The following TEX2 variants were observed in gnomAD, a reference collection of about 807,000 sequenced individuals.
TEX2 encodes the protein testis-expressed protein 2.
A neutral mutation model predicts 106.9 loss-of-function variants in TEX2; 53 were observed. That is an observed-to-expected ratio of 0.50 (90% confidence interval 0.40 to 0.62). TEX2 has a LOEUF of 0.62. Among genes scored for constraint, TEX2 ranks in the 20% least tolerant of loss-of-function variants. TEX2 has a pLI of 0.00. For synonymous variants in TEX2, 523 were observed against 534.8 expected (o/e 0.98, Z 0.30); for missense variants, 1,207 against 1,379.0 (o/e 0.88, Z 1.98).
rs559838321 is a variant in TEX2 at position 64,233,939 on chromosome 17, C to T, written c.-25-19697G>A. Among the ~76,000 whole-genome samples the T allele has an allele frequency of 9.8e-5, 15 of 152,318 alleles. No homozygotes were observed. In the South Asian group the frequency reaches 1.0e-3, roughly 11 times the overall value. On this transcript the variant is annotated intron_variant, in intron 1 of 11. Transcript: ENST00000584379. ...TGAGTTGTGGCCTTACCTCCTGGGA[C>T]GTGGTCCTAACCCCCCAACTCAGAT...
At position 64,225,691 on chromosome 17, in the gene TEX2, A is replaced by ATTTT. The variant is rs576428758; in HGVS notation, c.-25-11453_-25-11450dup. 1.5e-3 allele frequency among the ~76,000 whole-genome samples: 231 copies of ATTTT among 150,926 alleles called. 1 individual carries two copies. The highest frequency in any genetic ancestry group is 5.4e-3 in the African/African-American group (225 of 41,318). Reference sequence around the variant, plus strand: ...TGTGGCTGTGGTCACAAAACAACACATTTTTCTTTTCTTTTCTTTTTTTTT... The same window carrying ATTTT: ...TGTGGCTGTGGTCACAAAACAACACATTTTTTTTTCTTTTCTTTTCTTTTTTTTT... On this transcript the variant is annotated intron_variant, in intron 1 of 11. Transcript: ENST00000584379.
At chr17:64,177,083 G>C (rs2031645862) in intron 6 of TEX2, among the ~76,000 whole-genome samples, 1 of 152,152 alleles carries the variant, frequency 6.6e-6, no homozygotes, top group South Asian at 2.1e-4. Flanking sequence ...TTATCACCTG[G>C]AGTGGATAAC....
At chr17:64,177,204 TA>T in intron 6 of TEX2, 120 bp downstream of exon 6, 1 of 1,159,166 alleles carries the variant, frequency 8.6e-7, no homozygotes, top group East Asian at 2.4e-5. Flanking sequence ...TTTGAGAACT[TA>T]CTACCCTCAT....
chr17:64,149,107 A>G lies in TEX2; in HGVS notation c.3262-16T>C. On this transcript the variant is annotated splice_polypyrimidine_tract_variant and intron_variant, in intron 11 of 11. Transcript: ENST00000584379. ...CAAAAACTTTCTGTAGGAAGATATT[A>G]AAGAACAGCTATGTGGAAGAATGCC... 1 of 1,613,274 alleles carries G rather than the reference A, an allele frequency of 6.2e-7. No individual in the cohort carries two copies. The highest frequency in any genetic ancestry group is 1.1e-5 in the South Asian group (1 of 90,966).
chr17:64,210,633 G>GTTTTTTTTTTTT (rs1598182744), intron 2 of TEX2, among the ~76,000 whole-genome samples: 2 of 66,330 alleles, frequency 3.0e-5, no homozygotes, highest in African/African-American at 5.3e-5. Flanking sequence ...CCAACCCCCA[G>GTTTTTTTTTTTT]CTTTTTTTTT....
Position 64,213,450 on chromosome 17 carries a change from T to C in TEX2, c.768A>G (p.Thr256=), listed in dbSNP as rs139526156. The change falls in exon 2 of 12, where the codon ACA becomes ACG. Residue 256 remains threonine (T), a synonymous_variant. Coordinates refer to ENST00000584379, the MANE Select transcript of TEX2 (RefSeq NM_001288732.2). This position sits in a 1 kb window ranked among gnomAD's most constrained non-coding sequence, Gnocchi z 4.4. ...LFKQFTQPRN[T]GGDSKTAPSS... ...AAGGTGCAGTTTTGGAATCTCCACC[T>C]GTGTTTCGGGGCTGTGTGAACTGCT... The C allele has an allele frequency of 3.7e-6, 6 of 1,614,050 alleles. No individual in the cohort carries two copies. The highest frequency in any genetic ancestry group is 5.1e-6 in the Non-Finnish European group (6 of 1,180,040).
Position 64,153,047 on chromosome 17 carries a change from A to G in TEX2, c.3038T>C (p.Ile1013Thr). 1 of 1,614,104 alleles carries G rather than the reference A, an allele frequency of 6.2e-7. No homozygotes were observed. Among genetic ancestry groups the G allele is most frequent in the Non-Finnish European group, 8.5e-7 (1 of 1,180,010 alleles). Residue 1013 changes from isoleucine to threonine, a missense_variant, in exon 10 of 12, where the codon ATC becomes ACC. Coordinates refer to ENST00000584379, the MANE Select transcript of TEX2 (RefSeq NM_001288732.2). This position sits in a 1 kb window ranked among gnomAD's most constrained non-coding sequence, Gnocchi z 4.1. ...ATETEFIKKK[I>T]EEVSNTPLLL... Reference sequence around the variant, plus strand: ...CAGGGGTGTGTTGGAGACTTCTTCGATCTTCTTTTTAATAAACTCTGTCTC... The same window carrying G: ...CAGGGGTGTGTTGGAGACTTCTTCGGTCTTCTTTTTAATAAACTCTGTCTC...
At chr17:64,167,450 A>G (rs2031188423) in intron 7 of TEX2, among the ~76,000 whole-genome samples, 1 of 152,136 alleles carries the variant, frequency 6.6e-6, no homozygotes, top group Non-Finnish European at 1.5e-5. Context: ...TCCTTGCTCC[A>G]GATGCTGTTC....
chr17:64,222,017 G>T (rs1341944111), intron 1 of TEX2, among the ~76,000 whole-genome samples: 1 of 152,198 alleles, frequency 6.6e-6, no homozygotes, highest in East Asian at 1.9e-4. Flanking sequence ...GCTGGCAGAG[G>T]AGGAAATGGG....
At chr17:64,261,802 T>C (rs781801419) in intron 1 of TEX2, among the ~76,000 whole-genome samples, 6 of 152,232 alleles carry the variant, frequency 3.9e-5, no homozygotes, top group Non-Finnish European at 5.9e-5. Context: ...ACCATAACTT[T>C]AGACCAACTA....
chr17:64,247,203 AG>A (rs1411121047), intron 1 of TEX2, among the ~76,000 whole-genome samples: 3 of 150,932 alleles, frequency 2.0e-5, no homozygotes, highest in Admixed American at 2.0e-4. Flanking sequence ...CAGGAGGTGG[AG>A]GTTGCAGTGA....
At chr17:64,227,329 A>G (rs1276074649) in intron 1 of TEX2, among the ~76,000 whole-genome samples, 2 of 149,414 alleles carry the variant, frequency 1.3e-5, no homozygotes, top group Admixed American at 6.7e-5. Flanking sequence ...GTACTCATCA[A>G]GTAAGTACTC....
At chr17:64,212,506 A>G (rs2143064341) in intron 2 of TEX2, 68 bp downstream of exon 2, 1 of 1,418,750 alleles carries the variant, frequency 7.0e-7, no homozygotes, top group East Asian at 2.3e-5. Flanking sequence ...CCAAAAAACA[A>G]GTCAGATCTA....
chr17:64,224,793 C>A (rs1351308970), intron 1 of TEX2, among the ~76,000 whole-genome samples: 1 of 151,960 alleles, frequency 6.6e-6, no homozygotes, highest in African/African-American at 2.4e-5. Context: ...GGTTCGAAAG[C>A]ATCAATACAA....
intron 1 of TEX2, among the ~76,000 whole-genome samples, chr17:64,237,874 C>T (rs1486116813): frequency 1.3e-5 from 2 of 152,054 alleles, no homozygotes; most frequent in African/African-American, 4.8e-5. Context: ...ACATGTCCAC[C>T]CAGATAGGAG....
At chr17:64,203,557 T>C (rs782666514) in intron 2 of TEX2, among the ~76,000 whole-genome samples, 1 of 152,130 alleles carries the variant, frequency 6.6e-6, no homozygotes, top group African/African-American at 2.4e-5. Flanking sequence ...CCATAGATCA[T>C]GGAGTTTGAG....
At chr17:64,261,516 G>A (rs2034286624) in intron 1 of TEX2, among the ~76,000 whole-genome samples, 1 of 152,088 alleles carries the variant, frequency 6.6e-6, no homozygotes, top group South Asian at 2.1e-4. Flanking sequence ...CCAAACTCCT[G>A]AATTTTTCCT....
At chr17:64,257,570 C>T (rs1286959934) in intron 1 of TEX2, among the ~76,000 whole-genome samples, 2 of 152,224 alleles carry the variant, frequency 1.3e-5, no homozygotes, top group Non-Finnish European at 2.9e-5. Context: ...CCATCCTGCC[C>T]AGGATGTGAA....
At chr17:64,169,961 G>A (rs1031096573) in intron 7 of TEX2, among the ~76,000 whole-genome samples, 1 of 152,150 alleles carries the variant, frequency 6.6e-6, no homozygotes, top group Non-Finnish European at 1.5e-5. Flanking sequence ...ATGCTAATGG[G>A]CTATTCTGGC....
Sources: allele counts gnomAD v4.1 joint callset (sites outside exome capture counted in the v4.1 genomes callset), GRCh38; gene constraint gnomAD v4.1.1; non-coding constraint Gnocchi (gnomAD v3.1); transcripts MANE v1.5; gene names NCBI Gene and HGNC (gene_info 2026-07-23, HGNC 2026-07-21).